Variants in FER1L5 observed in about 807,000 individuals in gnomAD.
FER1L5 encodes the protein fer-1-like protein 5.
Under a neutral mutation model 279.9 loss-of-function variants are expected in FER1L5, and 187 were observed. The observed-to-expected ratio is 0.67, with a 90% confidence interval of 0.59 to 0.75. The LOEUF is 0.75. Among genes scored for constraint, FER1L5 ranks in the 30% least tolerant of loss-of-function variants. The probability of loss-of-function intolerance (pLI) is 0.00; values close to 1 mark genes in which losing one functional copy is unlikely to be tolerated. For missense variants in FER1L5, 2,091 were observed against 2,594.4 expected, an observed-to-expected ratio of 0.81 and a Z score of 4.21; for synonymous variants, 921 against 989.7, an observed-to-expected ratio of 0.93 and a Z score of 1.30.
Position 96,703,136 on chromosome 2 carries a change from C to A in FER1L5, c.5498-17C>A. 1 of 1,612,694 alleles carries A rather than the reference C, an allele frequency of 6.2e-7. No individual in the cohort carries two copies. Among genetic ancestry groups the A allele is most frequent in the Non-Finnish European group, 8.5e-7 (1 of 1,178,904 alleles). ...ACAGGGAGCTCCTTCTTGCTGATGT[C>A]ATTTTTCTGGGCTCAGGGGTCCTGG... On this transcript the variant is annotated splice_polypyrimidine_tract_variant and intron_variant, in intron 49 of 52. Transcript: ENST00000624922.
rs2077609202 is a variant in FER1L5, at chr2:96,702,199, A to G, written c.5160-107A>G. ...GGAGCTTTCTTCCCCTGAATTCCCC[A>G]CACTGAGCAAAAACACACAGGGCAG... On this transcript the variant is annotated intron_variant, in intron 46 of 52. Transcript: ENST00000624922. The surrounding 1 kb of genome is among the most constrained non-coding windows in gnomAD (Gnocchi z 4.0). 6.4e-7 allele frequency: 1 copy of G among 1,564,228 alleles called. No homozygotes were observed. The highest frequency in any genetic ancestry group is 1.4e-5 in the African/African-American group (1 of 73,184).
intron 9 of FER1L5, 134 bp from the exon 10 acceptor site, chr2:96,660,207 G>A: frequency 2.3e-6 from 2 of 861,402 alleles, no homozygotes; most frequent in Non-Finnish European, 3.8e-6. Context: ...CTCTCAGGCT[G>A]CTGTAAAGAT....
chr2:96,651,287 CTTTCTTTCTTT>C (rs2075364132), intron 6 of FER1L5, among the ~76,000 whole-genome samples: 1 of 139,794 alleles, frequency 7.2e-6, no homozygotes, highest in Admixed American at 7.2e-5. Flanking sequence ...TTCTTTCTTT[CTTTCTTTCTTT>C]CTTCTTTCCT....
chr2:96,698,665 C>A lies in FER1L5; in HGVS notation c.4357-6C>A, dbSNP rs760428701. The A allele has an allele frequency of 4.4e-6, 7 of 1,578,960 alleles. No individual in the cohort carries two copies. The highest frequency in any genetic ancestry group is 6.0e-6 in the Non-Finnish European group (7 of 1,162,632). ...GGCTGGGCCCCCAACACCCTCCCCC[C>A]GCCAGGGCCTTTTCCGCATCTACCC... On this transcript the variant is annotated splice_polypyrimidine_tract_variant and splice_region_variant and intron_variant, in intron 40 of 52. Coordinates refer to ENST00000624922, the MANE Select transcript of FER1L5 (RefSeq NM_001293083.2). This position sits in a 1 kb window ranked among gnomAD's most constrained non-coding sequence, Gnocchi z 5.5.
Position 96,664,635 on chromosome 2 carries a change from G to A in FER1L5, c.1140+1128G>A, listed in dbSNP as rs578131071. On this transcript the variant is annotated intron_variant, in intron 14 of 52. Coordinates refer to ENST00000624922, the MANE Select transcript of FER1L5 (RefSeq NM_001293083.2). ...GGTTTGGGGCTGTTACAATGAAGCT[G>A]TAAACACTTGTGTACAACCCTTAGC... 5.9e-5 allele frequency among the ~76,000 whole-genome samples: 9 copies of A among 152,266 alleles called. No homozygotes were observed. The East Asian group carries it at 1.7e-3, about 29-fold the overall frequency.
chr2:96,654,438 C>T lies in FER1L5; in HGVS notation c.697-8C>T, dbSNP rs1346198570. 5 of 398,884 alleles carry T rather than the reference C, an allele frequency of 1.3e-5. No homozygotes were observed. Among genetic ancestry groups the T allele is most frequent in the Non-Finnish European group, 2.2e-5 (5 of 226,062 alleles). The allele number at this position is 398,884 out of a possible 1,614,324, so 24.7% of individuals were successfully genotyped here. A position where few individuals can be genotyped will look rare whatever the true frequency, so the allele number is the denominator to read the frequency against. On this transcript the variant is annotated splice_region_variant and splice_polypyrimidine_tract_variant and intron_variant, in intron 8 of 52. Transcript: ENST00000624922. ...ATAATTAAAATATTTCTGGGAACTC[C>T]CTTGCAGGTGGTGAACTCCTCAGCA...
Position 96,650,190 on chromosome 2 carries a change from C to A in FER1L5, c.405C>A (p.Asp135Glu). ...ACTGTGTCTCCCCAGGAGCTGAAGA[C>A]CACCTGGGCATAACGGCAAGAGAGG... is the stretch of plus-strand genomic sequence containing the variant. ...NQDIEKTGAE[D>E]HLGITAREAA... The change falls in exon 6 of 53, where the codon GAC becomes GAA. Residue 135 changes from aspartate (D) to glutamate (E), a missense_variant. Coordinates refer to ENST00000624922, the MANE Select transcript of FER1L5 (RefSeq NM_001293083.2). 2 of 1,551,626 alleles carry A rather than the reference C, an allele frequency of 1.3e-6. No homozygotes were observed. The highest frequency in any genetic ancestry group is 1.7e-6 in the Non-Finnish European group (2 of 1,146,904).
chr2:96,667,267 C>T (rs1208450583), intron 14 of FER1L5, among the ~76,000 whole-genome samples: 2 of 152,088 alleles, frequency 1.3e-5, no homozygotes, highest in African/African-American at 4.8e-5. Context: ...GGAGAGCCCA[C>T]TCAGCTGGTC....
At chr2:96,653,222 C>G (rs971707396) in intron 7 of FER1L5, 1 of 218,108 alleles carries the variant, frequency 4.6e-6, no homozygotes, top group Admixed American at 6.2e-5. Context: ...ATAGGAAACC[C>G]TCTAGGAGCC....
At chr2:96,653,958 C>G in intron 8 of FER1L5, 1 of 497,576 alleles carries the variant, frequency 2.0e-6, no homozygotes, top group Non-Finnish European at 3.6e-6. Flanking sequence ...TCCCATGTGC[C>G]AGGATTTTCA....
chr2:96,643,286 C>A (rs1173490074), intron 1 of FER1L5, among the ~76,000 whole-genome samples: 1 of 152,128 alleles, frequency 6.6e-6, no homozygotes, highest in East Asian at 1.9e-4. Flanking sequence ...TTAGTAATAA[C>A]TGCTTGATCA....
chr2:96,704,555 A>G lies in FER1L5; in HGVS notation c.6037A>G (p.Ser2013Gly). ...IFNIINSLNT[S>G]NASSSILPTQ... is the part of the protein sequence containing the mutation. ...CAATATCATCAATTCACTAAACACC[A>G]GCAACGCCAGCTCTTCCATCCTTCC... The change falls in exon 53 of 53, where the codon AGC becomes GGC. Residue 2013 changes from serine (S) to glycine (G), a missense_variant. Ser to Gly is a moderately conservative substitution (Grantham distance 56). Coordinates refer to ENST00000624922, the MANE Select transcript of FER1L5 (RefSeq NM_001293083.2). The G allele has an allele frequency of 6.2e-7, 1 of 1,613,936 alleles. No individual in the cohort carries two copies.
At chr2:96,676,911 C>T (rs189572959) in intron 19 of FER1L5, among the ~76,000 whole-genome samples, 8 of 152,102 alleles carry the variant, frequency 5.3e-5, no homozygotes, top group South Asian at 2.1e-4. Context: ...GGCCGGAGTG[C>T]GGCGGTCTGC....
In FER1L5 at chr2:96,704,755, G is replaced by C; in HGVS notation, c.*63G>C. The C allele has an allele frequency of 1.1e-5, 14 of 1,301,726 alleles. No individual in the cohort carries two copies. Among genetic ancestry groups the C allele is most frequent in the Non-Finnish European group, 1.5e-5 (14 of 906,506 alleles). 80.6% of individuals were successfully genotyped at this position (1,301,726 alleles called of 1,614,324 possible). On this transcript the variant is annotated 3_prime_UTR_variant, in exon 53 of 53. Coordinates refer to ENST00000624922, the MANE Select transcript of FER1L5 (RefSeq NM_001293083.2). ...AGCCCTCCCCTTGGGCTGGCTACCA[G>C]TTCTTTGTTTCTATCTTCTAGAATA...
Position 96,683,397 on chromosome 2 carries a change from C to A in FER1L5, c.1670-930C>A, listed in dbSNP as rs544146613. On this transcript the variant is annotated intron_variant, in intron 19 of 52. Coordinates refer to ENST00000624922, the MANE Select transcript of FER1L5 (RefSeq NM_001293083.2). ...CAGTGTCTCCCTGTGTCTGTCCTCACTCAACTGCCATCTCTCTGTCTCCCT... is the reference window on the plus strand; with the variant it reads ...CAGTGTCTCCCTGTGTCTGTCCTCAATCAACTGCCATCTCTCTGTCTCCCT... 3.4e-4 allele frequency among the ~76,000 whole-genome samples: 52 copies of A among 152,222 alleles called. No homozygotes were observed. The South Asian group carries it at 0.011, about 31-fold the overall frequency.
Position 96,668,732 on chromosome 2 carries a change from T to G in FER1L5, c.1141-19T>G. On this transcript the variant is annotated intron_variant, in intron 14 of 52. Transcript: ENST00000624922. Reference sequence around the variant, plus strand: ...CATCCCAATGTGTACCCACCGCACCTCTCTCCTTCCCTCCACAGCTACCCT... The same window carrying G: ...CATCCCAATGTGTACCCACCGCACCGCTCTCCTTCCCTCCACAGCTACCCT... 6.4e-7 allele frequency: 1 copy of G among 1,551,290 alleles called. No individual in the cohort carries two copies. Among genetic ancestry groups the G allele is most frequent in the Non-Finnish European group, 8.7e-7 (1 of 1,146,858 alleles).
chr2:96,704,268 A>C lies in FER1L5; in HGVS notation c.5855A>C (p.Tyr1952Ser), dbSNP rs1306381221. The C allele has an allele frequency of 1.2e-6, 2 of 1,613,868 alleles. No homozygotes were observed. Among genetic ancestry groups the C allele is most frequent in the Non-Finnish European group, 1.7e-6 (2 of 1,179,884 alleles). ...WLRSPVQNFCYIFWKRYRFKL... is the reference protein window; with the variant it reads ...WLRSPVQNFCSIFWKRYRFKL... Reference sequence around the variant, plus strand: ...CGGTCACCAGTTCAAAACTTCTGCTATATTTTCTGGAAACGCTATCGCTTC... The same window carrying C: ...CGGTCACCAGTTCAAAACTTCTGCTCTATTTTCTGGAAACGCTATCGCTTC... Residue 1952 changes from tyrosine (Y) to serine (S), a missense_variant, in exon 52 of 53, where the codon TAT becomes TCT. Tyr to Ser is a moderately radical substitution (Grantham distance 144). Coordinates refer to ENST00000624922, the MANE Select transcript of FER1L5 (RefSeq NM_001293083.2).
intron 19 of FER1L5, among the ~76,000 whole-genome samples, chr2:96,680,947 G>A (rs1423249143): frequency 6.6e-6 from 1 of 152,216 alleles, no homozygotes; most frequent in Non-Finnish European, 1.5e-5. Context: ...CATGACCATA[G>A]TTCACTGCAG....
Position 96,697,376 on chromosome 2 carries a change from C to G in FER1L5, c.4084-150C>G, listed in dbSNP as rs1004828391. The G allele has an allele frequency of 2.4e-5, 19 of 790,084 alleles. No individual in the cohort carries two copies. The South Asian group carries it at 2.6e-4, about 11-fold the overall frequency. The allele number at this position is 790,084 out of a possible 1,614,324, so 48.9% of individuals were successfully genotyped here. ...CCCCTCCTTCTTGCTCCCTAGATCC[C>G]ATTTCTAAAGACCCCTGAATTAAAA... On this transcript the variant is annotated intron_variant, in intron 37 of 52. Coordinates refer to ENST00000624922, the MANE Select transcript of FER1L5 (RefSeq NM_001293083.2).
Sources: allele counts gnomAD v4.1 joint callset (sites outside exome capture counted in the v4.1 genomes callset), GRCh38; gene constraint gnomAD v4.1.1; non-coding constraint Gnocchi (gnomAD v3.1); transcripts MANE v1.5; gene names NCBI Gene and HGNC (gene_info 2026-07-23, HGNC 2026-07-21).